The following CDH13 variants were observed in gnomAD, a reference collection of about 807,000 sequenced individuals.
The protein encoded by CDH13 is cadherin-13.
A neutral mutation model predicts 63.8 loss-of-function variants in CDH13; 24 were observed. The ratio of observed to expected loss-of-function variants is 0.38; its 90% CI spans 0.27 to 0.53. CDH13 has a LOEUF of 0.53. Among genes scored for constraint, CDH13 ranks in the 20% least tolerant of loss-of-function variants. The pLI, the probability that CDH13 is intolerant of heterozygous loss-of-function variation, is 0.85. For missense variants in CDH13, 1,049 were observed against 903.1 expected (o/e 1.16, Z -2.07); for synonymous variants, 503 against 355.3 (o/e 1.42, Z -4.67).
chr16:83,702,621 C>G (rs544148011), intron 10 of CDH13, among the ~76,000 whole-genome samples: 1 of 152,354 alleles, frequency 6.6e-6, no homozygotes, highest in South Asian at 2.1e-4. Context: ...AAAATTATCT[C>G]TGACCACAGG....
At chr16:83,510,051 G>A (rs955341007) in intron 7 of CDH13, among the ~76,000 whole-genome samples, 1 of 152,176 alleles carries the variant, frequency 6.6e-6, no homozygotes, top group African/African-American at 2.4e-5. Context: ...TGTTTTACAA[G>A]TGGAATGTGA....
At chr16:83,593,729 A>C (rs12325339) in intron 7 of CDH13, among the ~76,000 whole-genome samples, 41,170 of 151,922 alleles carry the variant, frequency 0.27, 6,432 homozygotes, top group African/African-American at 0.44. Flanking sequence ...TTACATAGCT[A>C]TGATGTCCCA....
chr16:83,587,094 T>A lies in CDH13; in HGVS notation c.961-15360T>A, dbSNP rs116240282. 3.7e-3 allele frequency among the ~76,000 whole-genome samples: 568 copies of A among 152,206 alleles called. 3 individuals are homozygous for A. The highest frequency in any genetic ancestry group is 0.013 in the African/African-American group (535 of 41,536). ...CCAGCAATAGAACTCTAAACCAAAG[T>A]CAGCTTTGCACGAAAATGCATTTGA... is the stretch of plus-strand genomic sequence containing the variant. On this transcript the variant is annotated intron_variant, in intron 7 of 13. Coordinates refer to ENST00000567109, the MANE Select transcript of CDH13 (RefSeq NM_001257.5).
chr16:83,297,542 A>C (rs2089631500), intron 5 of CDH13, among the ~76,000 whole-genome samples: 1 of 152,046 alleles, frequency 6.6e-6, no homozygotes, highest in Non-Finnish European at 1.5e-5. Flanking sequence ...CTTGTTTCTC[A>C]CTGAACACTT....
At chr16:82,753,158 T>C (rs528043239) in intron 1 of CDH13, among the ~76,000 whole-genome samples, 2 of 152,226 alleles carry the variant, frequency 1.3e-5, no homozygotes, top group South Asian at 2.1e-4. Flanking sequence ...CATGAGTCCA[T>C]GGAAACAGCC....
chr16:83,291,686 T>A (rs910735735), intron 5 of CDH13, among the ~76,000 whole-genome samples: 1 of 152,168 alleles, frequency 6.6e-6, no homozygotes, highest in African/African-American at 2.4e-5. Context: ...TGACTGCTAA[T>A]AACTCAAAAC....
At chr16:82,647,066 G>A (rs552304391) in intron 1 of CDH13, among the ~76,000 whole-genome samples, 1 of 152,198 alleles carries the variant, frequency 6.6e-6, no homozygotes, top group Non-Finnish European at 1.5e-5. Flanking sequence ...CCCAGGCCTC[G>A]AGGGAAGGTT....
At chr16:82,725,731 T>C (rs968700389) in intron 1 of CDH13, among the ~76,000 whole-genome samples, 1 of 152,160 alleles carries the variant, frequency 6.6e-6, no homozygotes, top group Admixed American at 6.6e-5. Flanking sequence ...GTAAACTGAT[T>C]TGAACACCAT....
intron 2 of CDH13, among the ~76,000 whole-genome samples, chr16:82,905,411 G>T (rs573966026): frequency 6.6e-6 from 1 of 150,672 alleles, no homozygotes; most frequent in African/African-American, 2.4e-5. Flanking sequence ...ACAGGACTTG[G>T]GTGTTATACC....
At chr16:83,014,336 A>C (rs900322280) in intron 2 of CDH13, among the ~76,000 whole-genome samples, 9 of 151,526 alleles carry the variant, frequency 5.9e-5, no homozygotes, top group South Asian at 2.1e-4. Flanking sequence ...AAAAAAAAAA[A>C]AAAAAAACTT....
chr16:83,789,346 TGTTTGTC>T lies in CDH13; in HGVS notation c.2135-5676_2135-5670del, dbSNP rs759494190. Among the ~76,000 whole-genome samples the T allele has an allele frequency of 5.8e-4, 85 of 147,818 alleles. 1 individual carries two copies. The South Asian group carries it at 7.6e-3, about 13-fold the overall frequency. On this transcript the variant is annotated intron_variant, in intron 13 of 13. Transcript: ENST00000567109. ...TGAAATTAGTAGCTTTCTTTTTTTT[TGTTTGTC>T]TGTTTTGTTTTAAGACTGAGTCTTG... is the stretch of plus-strand genomic sequence containing the variant.
At chr16:83,121,194 T>C (rs1376670255) in intron 3 of CDH13, among the ~76,000 whole-genome samples, 1 of 152,224 alleles carries the variant, frequency 6.6e-6, no homozygotes, top group Non-Finnish European at 1.5e-5. Context: ...TTGAGTCCTT[T>C]TCACTTCCTA....
At chr16:83,044,835 C>G (rs375814566) in intron 3 of CDH13, among the ~76,000 whole-genome samples, 2 of 152,172 alleles carry the variant, frequency 1.3e-5, no homozygotes, top group East Asian at 1.9e-4. Flanking sequence ...AGCTCCCCAG[C>G]AGCTGCTCGG....
intron 11 of CDH13, 64 bp downstream of exon 11, chr16:83,748,314 T>A (rs889490): frequency 6.8e-7 from 1 of 1,465,680 alleles, no homozygotes; most frequent in Non-Finnish European, 9.3e-7. Flanking sequence ...TTTACATTTT[T>A]AAATTTCTTC....
chr16:82,942,006 C>A (rs1021008330), intron 2 of CDH13, among the ~76,000 whole-genome samples: 1 of 152,134 alleles, frequency 6.6e-6, no homozygotes, highest in African/African-American at 2.4e-5. Context: ...CTTTCACTTT[C>A]TTAATGGTGT....
intron 5 of CDH13, among the ~76,000 whole-genome samples, chr16:83,332,902 A>C (rs11642167): frequency 0.32 from 48,292 of 152,138 alleles, 7,822 homozygotes; most frequent in East Asian, 0.49. Context: ...TGTTTTCATT[A>C]TGTTTGATGA....
intron 2 of CDH13, among the ~76,000 whole-genome samples, chr16:82,960,582 A>G (rs1029378789): frequency 3.9e-5 from 6 of 152,184 alleles, no homozygotes; most frequent in Non-Finnish European, 8.8e-5. Context: ...GATCTCAAGA[A>G]CAATCTTTTT....
At chr16:83,198,022 A>G (rs770322571) in intron 4 of CDH13, among the ~76,000 whole-genome samples, 1 of 152,224 alleles carries the variant, frequency 6.6e-6, no homozygotes, top group Non-Finnish European at 1.5e-5. Flanking sequence ...AAATATGTTT[A>G]TGCAGTTGTA....
intron 6 of CDH13, among the ~76,000 whole-genome samples, chr16:83,473,549 G>C (rs565998315): frequency 6.6e-6 from 1 of 152,084 alleles, no homozygotes; most frequent in Non-Finnish European, 1.5e-5. Flanking sequence ...TGGAGTCATC[G>C]ATCATCTGTC....
Sources: allele counts gnomAD v4.1 joint callset (sites outside exome capture counted in the v4.1 genomes callset), GRCh38; gene constraint gnomAD v4.1.1; transcripts MANE v1.5; gene names NCBI Gene and HGNC (gene_info 2026-07-23, HGNC 2026-07-21).